GCFC2: variants seen among roughly 807,000 people sequenced by gnomAD.
The protein encoded by GCFC2 is intron Large complex component GCFC2.
A neutral mutation model predicts 99.4 loss-of-function variants in GCFC2; 102 were observed. The observed-to-expected ratio is 1.03, with a 90% CI of 0.87 to 1.21. The LOEUF (loss-of-function observed/expected upper bound fraction) is 1.21, where lower values mean the gene tolerates loss of function less well. Among genes scored for constraint, GCFC2 ranks in the 50% most tolerant of loss-of-function variants. GCFC2 has a pLI of 0.00. For synonymous variants in GCFC2, 338 were observed against 316.8 expected, an observed-to-expected ratio of 1.07 and a Z score of -0.71; for missense variants, 973 against 920.9, an observed-to-expected ratio of 1.06 and a Z score of -0.73.
At chr2:75,690,853 A>G (rs1464911787) in intron 7 of GCFC2, 134 bp from the exon 8 acceptor site, 46 of 564,426 alleles carry the variant, frequency 8.1e-5, no homozygotes, top group Non-Finnish European at 1.4e-4. Flanking sequence ...TAAATTTTGC[A>G]ATTAATTATG....
intron 4 of GCFC2, among the ~76,000 whole-genome samples, chr2:75,698,703 A>G (rs1248538607): frequency 6.6e-6 from 1 of 152,176 alleles, no homozygotes; most frequent in Non-Finnish European, 1.5e-5. Flanking sequence ...CTCTTAGTTC[A>G]CAGTTACATT....
At chr2:75,668,339 G>GAAAACAAAACAAAAC (rs368695001) in intron 15 of GCFC2, among the ~76,000 whole-genome samples, 1 of 151,632 alleles carries the variant, frequency 6.6e-6, no homozygotes, top group African/African-American at 2.4e-5. Flanking sequence ...AAGTGCTAAA[G>GAAAACAAAACAAAAC]AAAACAAAAC....
rs540676907 is a variant in GCFC2 at position 75,710,663 on chromosome 2, G to C, written c.193C>G (p.Arg65Gly). The C allele has an allele frequency of 7.3e-5, 111 of 1,519,312 alleles. No homozygotes were observed. In the East Asian group the frequency reaches 1.8e-3, roughly 24 times the overall value. The allele number at this position is 1,519,312 out of a possible 1,614,324, so 94.1% of individuals were successfully genotyped here. Residue 65 changes from arginine (R) to glycine (G), a missense_variant, in exon 1 of 17, where the codon CGT becomes GGT. By Grantham distance (125) the Arg-to-Gly change is moderately radical (BLOSUM62 -2). Coordinates refer to ENST00000321027, the MANE Select transcript of GCFC2 (RefSeq NM_003203.5). ...CTCGCCCAGACCCGGCCCCGGCCACGAGGGCCCCGAACCCGGTGGGGCAGT... is the reference window on the plus strand; with the variant it reads ...CTCGCCCAGACCCGGCCCCGGCCACCAGGGCCCCGAACCCGGTGGGGCAGT... ...AGLPHRVRGPRGRGRVWASSR... is the reference protein window; with the variant it reads ...AGLPHRVRGPGGRGRVWASSR...
At position 75,710,764 on chromosome 2, in the gene GCFC2, G is replaced by A; in HGVS notation, c.92C>T (p.Ala31Val). The change falls in exon 1 of 17, where the codon GCG (alanine) becomes GTG (valine). Residue 31 changes from alanine (A) to valine (V), a missense_variant. Ala to Val is a moderately conservative substitution (Grantham distance 64, BLOSUM62 0). Transcript: ENST00000321027. ...GAEESPAEPG[A>V]PRELPVPGSA... ...ACCCGGGACCGGAAGTTCCCTCGGCGCCCCAGGCTCAGCAGGCGACTCCTC... is the reference window on the plus strand; with the variant it reads ...ACCCGGGACCGGAAGTTCCCTCGGCACCCCAGGCTCAGCAGGCGACTCCTC... 1 of 1,569,348 alleles carries A rather than the reference G, an allele frequency of 6.4e-7. No homozygotes were observed. Among genetic ancestry groups the A allele is most frequent in the Middle Eastern group, 1.9e-4 (1 of 5,178 alleles).
In GCFC2 at chr2:75,670,238, G is replaced by A. The variant is rs773129838; in HGVS notation, c.2003C>T (p.Thr668Ile). Residue 668 changes from threonine (T) to isoleucine (I), a missense_variant, in exon 15 of 17, where the codon ACC (threonine) becomes ATC (isoleucine). Coordinates refer to ENST00000321027, the MANE Select transcript of GCFC2 (RefSeq NM_003203.5). ...CTTCCCTAGTCCTAGTTCTTGCAAG[G>A]TGTCATCTGTAAGGAGTCCATTCCA... The part of the protein sequence containing the change: ...LLWNGLLTDD[T>I]LQELGLGKLL... 6 of 1,606,556 alleles carry A rather than the reference G, an allele frequency of 3.7e-6. No individual in the cohort carries two copies. The highest frequency in any genetic ancestry group is 5.1e-6 in the Non-Finnish European group (6 of 1,173,282).
At chr2:75,675,235 C>A (rs529983946) in intron 12 of GCFC2, among the ~76,000 whole-genome samples, 28 of 152,140 alleles carry the variant, frequency 1.8e-4, no homozygotes, top group African/African-American at 6.3e-4. Flanking sequence ...AACATAATAT[C>A]CTTGTCTTAA....
chr2:75,668,339 G>GAAAACCAAACCAAAAC (rs567893132), intron 15 of GCFC2, among the ~76,000 whole-genome samples: 1 of 151,632 alleles, frequency 6.6e-6, no homozygotes, highest in African/African-American at 2.4e-5. Flanking sequence ...AAGTGCTAAA[G>GAAAACCAAACCAAAAC]AAAACAAAAC....
chr2:75,696,649 C>T (rs2104377114), intron 4 of GCFC2, among the ~76,000 whole-genome samples: 1 of 152,320 alleles, frequency 6.6e-6, no homozygotes, highest in Non-Finnish European at 1.5e-5. Flanking sequence ...GTGGAGTAGA[C>T]AGACCTGTCT....
rs1268393489 is a variant in GCFC2 at position 75,706,639 on chromosome 2, AG to A, written c.277del (p.Asp94MetfsTer77). 1.9e-6 allele frequency: 3 copies of A among 1,582,174 alleles called. No individual in the cohort carries two copies. The highest frequency in any genetic ancestry group is 2.3e-5 in the South Asian group (2 of 87,548). ...ATCCTCTTCATCTGTGGACACATCA[AG>A]GGTTCTGGATTCTAACAGGACATTT... is the stretch of plus-strand genomic sequence containing the variant. ...RADEGSESRTLDVSTDEEDKI... is the reference protein window; with the variant it reads ...RADEGSESRTXDVSTDEEDKI... On this transcript the variant is annotated frameshift_variant, in exon 2 of 17. Coordinates refer to ENST00000321027, the MANE Select transcript of GCFC2 (RefSeq NM_003203.5). LOFTEE classifies it high-confidence loss of function.
chr2:75,711,156 G>A (rs1681167766), upstream of GCFC2: 1 of 985,158 alleles, frequency 1.0e-6, no homozygotes, highest in South Asian at 4.7e-5. Flanking sequence ...ACGGAGAGCA[G>A]AACTCACGTG....
At chr2:75,675,505 G>T (rs184837460) in intron 12 of GCFC2, among the ~76,000 whole-genome samples, 2 of 152,148 alleles carry the variant, frequency 1.3e-5, no homozygotes, top group Admixed American at 6.5e-5. Flanking sequence ...CACTTTGGGA[G>T]GCTGAGGTGG....
At chr2:75,691,923 C>T in intron 7 of GCFC2, 54 bp downstream of exon 7, 1 of 980,554 alleles carries the variant, frequency 1.0e-6, no homozygotes, top group South Asian at 2.5e-5. Context: ...TTTTATTCTT[C>T]ACATAATTTA....
chr2:75,679,668 C>T lies in GCFC2; in HGVS notation c.1812+525G>A, dbSNP rs1679484035. ...TGAAACCATTGTTCAAGCAAAGCCA[C>T]AATGCCACTGGATTTTTGCCAAAAG... On this transcript the variant is annotated intron_variant, in intron 12 of 16. Transcript: ENST00000321027. 4 of 397,398 alleles carry T rather than the reference C, an allele frequency of 1.0e-5. No individual in the cohort carries two copies. The Admixed American group carries it at 1.3e-4, about 13-fold the overall frequency. The allele number at this position is 397,398 out of a possible 1,614,324, so 24.6% of individuals were successfully genotyped here. A position where few individuals can be genotyped will look rare whatever the true frequency, so the allele number is the denominator to read the frequency against.
chr2:75,677,044 T>G (rs900863102), intron 12 of GCFC2, among the ~76,000 whole-genome samples: 1 of 152,250 alleles, frequency 6.6e-6, no homozygotes, highest in African/African-American at 2.4e-5. Flanking sequence ...TTAGGTTTAC[T>G]TAAGCTTATA....
At chr2:75,687,772 C>G in intron 11 of GCFC2, 55 bp downstream of exon 11, 1 of 1,353,926 alleles carries the variant, frequency 7.4e-7, no homozygotes, top group South Asian at 1.2e-5. Flanking sequence ...AAATTAACAA[C>G]CTTATATACT....
intron 2 of GCFC2, among the ~76,000 whole-genome samples, chr2:75,705,794 G>A (rs770301023): frequency 2.0e-5 from 3 of 151,938 alleles, no homozygotes; most frequent in Non-Finnish European, 4.4e-5. Flanking sequence ...AGGAGTCCAC[G>A]GCACAAAACA....
intron 14 of GCFC2, among the ~76,000 whole-genome samples, chr2:75,671,737 C>G (rs1679096618): frequency 6.7e-6 from 1 of 149,650 alleles, no homozygotes; most frequent in Admixed American, 6.6e-5. Context: ...TTTCAGTGTT[C>G]ATAAGTTTTA....
chr2:75,687,797 T>C, intron 11 of GCFC2, 30 bp downstream of exon 11: 3 of 1,555,504 alleles, frequency 1.9e-6, no homozygotes, highest in Non-Finnish European at 2.6e-6. Flanking sequence ...CAGAAAATAA[T>C]TTAATTTTAC....
chr2:75,683,196 A>C (rs1679653144), intron 11 of GCFC2, among the ~76,000 whole-genome samples: 1 of 151,860 alleles, frequency 6.6e-6, no homozygotes, highest in Non-Finnish European at 1.5e-5. Flanking sequence ...GCCAGAAAGA[A>C]AGGTTGGGTT....
Sources: allele counts gnomAD v4.1 joint callset (sites outside exome capture counted in the v4.1 genomes callset), GRCh38; gene constraint gnomAD v4.1.1; transcripts MANE v1.5; gene names NCBI Gene and HGNC (gene_info 2026-07-23, HGNC 2026-07-21).